EYA1: variants seen among roughly 807,000 people sequenced by gnomAD.
The protein encoded by EYA1 is EYA transcriptional coactivator and phosphatase 1.
Under a neutral mutation model 82.0 loss-of-function variants are expected in EYA1, and 16 were observed. The observed-to-expected ratio is 0.20, with a 90% CI of 0.13 to 0.30. The LOEUF (loss-of-function observed/expected upper bound fraction) is 0.30. Among genes scored for constraint, EYA1 ranks in the 10% least tolerant of loss-of-function variants. The pLI, the probability that EYA1 is intolerant of heterozygous loss-of-function variation, is 1.00. For missense variants in EYA1, 633 were observed against 730.7 expected (o/e 0.87, Z 1.54); for synonymous variants, 261 against 264.4 (o/e 0.99, Z 0.12).
At chr8:71,364,404 C>A (rs144893483), upstream of EYA1, among the ~76,000 whole-genome samples, 485 of 151,952 alleles carry the variant, frequency 3.2e-3, 5 homozygotes, top group Admixed American at 0.023. Context: ...GATAAAGAGC[C>A]ACATTTAAGC....
At chr8:71,277,306 AG>A (rs1817318994) in intron 9 of EYA1, among the ~76,000 whole-genome samples, 1 of 151,622 alleles carries the variant, frequency 6.6e-6, no homozygotes, top group Non-Finnish European at 1.5e-5. Context: ...ACGTGACACC[AG>A]GCTAATTTTT....
chr8:71,207,933 A>G (rs941114266), intron 17 of EYA1, among the ~76,000 whole-genome samples: 1 of 152,222 alleles, frequency 6.6e-6, no homozygotes, highest in Non-Finnish European at 1.5e-5. Context: ...AATGAATTGT[A>G]CCAGCATTTG....
intron 2 of EYA1, among the ~76,000 whole-genome samples, chr8:71,493,746 G>A (rs765881284): frequency 1.3e-5 from 2 of 151,434 alleles, no homozygotes; most frequent in South Asian, 2.1e-4. Flanking sequence ...CTTTTTGGCC[G>A]GGCGCGGTGG....
At chr8:71,234,203 CAT>C (rs1221392652) in intron 12 of EYA1, among the ~76,000 whole-genome samples, 1 of 152,198 alleles carries the variant, frequency 6.6e-6, no homozygotes, top group African/African-American at 2.4e-5. Context: ...TGCCATACCA[CAT>C]GTATTTTCCT....
At chr8:71,464,344 C>A (rs1043958418) in intron 2 of EYA1, among the ~76,000 whole-genome samples, 2 of 152,194 alleles carry the variant, frequency 1.3e-5, no homozygotes, top group Non-Finnish European at 2.9e-5. Flanking sequence ...CCTTTAATGA[C>A]AAATGTGCAT....
intron 2 of EYA1, among the ~76,000 whole-genome samples, chr8:71,445,451 T>C (rs185666060): frequency 5.9e-5 from 9 of 152,354 alleles, no homozygotes; most frequent in African/African-American, 2.2e-4. Flanking sequence ...TTACCTTTAG[T>C]GTATCCTGAA....
intron 12 of EYA1, among the ~76,000 whole-genome samples, chr8:71,242,450 C>T (rs980522638): frequency 2.6e-5 from 4 of 152,130 alleles, no homozygotes; most frequent in African/African-American, 9.7e-5. Context: ...TACTTTACCT[C>T]TACTAAGGAA....
At chr8:71,292,502 G>A (rs1819113018) in intron 9 of EYA1, among the ~76,000 whole-genome samples, 1 of 151,934 alleles carries the variant, frequency 6.6e-6, no homozygotes, top group African/African-American at 2.4e-5. Flanking sequence ...TATAGAGAGT[G>A]AAATTTGAAT....
rs112037210 is a variant in EYA1, at chr8:71,267,808, A to C, written c.1050+1932T>G. On this transcript the variant is annotated intron_variant, in intron 11 of 17. Coordinates refer to ENST00000340726, the MANE Select transcript of EYA1 (RefSeq NM_000503.6). ...CGTGATCCACCCGCCTTGGCCTCCC[A>C]AAGTGCTGGGATTACAGGCATGAGC... Among the ~76,000 whole-genome samples, 513 of 152,308 alleles carry C rather than the reference A, an allele frequency of 3.4e-3. 6 individuals are homozygous for C. The highest frequency in any genetic ancestry group is 0.012 in the African/African-American group (491 of 41,566).
chr8:71,279,822 T>G lies in EYA1; in HGVS notation c.827-7925A>C, dbSNP rs149605791. On this transcript the variant is annotated intron_variant, in intron 9 of 17. Coordinates refer to ENST00000340726, the MANE Select transcript of EYA1 (RefSeq NM_000503.6). ...CACGGAGACTAACTTACCAACACTA[T>G]AAACATTTAATTCTCCTTTTTTGTG... 9.2e-5 allele frequency among the ~76,000 whole-genome samples: 14 copies of G among 152,316 alleles called. No homozygotes were observed. The East Asian group carries it at 2.7e-3, about 29-fold the overall frequency.
At chr8:71,428,499 T>C (rs1315825690) in intron 2 of EYA1, among the ~76,000 whole-genome samples, 1 of 152,182 alleles carries the variant, frequency 6.6e-6, no homozygotes, top group East Asian at 1.9e-4. Context: ...AACTTTCAAA[T>C]GCCTCCCTTT....
intron 7 of EYA1, among the ~76,000 whole-genome samples, chr8:71,308,477 C>T (rs1820967935): frequency 6.6e-6 from 1 of 152,058 alleles, no homozygotes; most frequent in East Asian, 1.9e-4. Flanking sequence ...AAACAAGAAA[C>T]AGTCTTGCTT....
At chr8:71,540,521 G>A (rs560623146) in intron 1 of EYA1, among the ~76,000 whole-genome samples, 103 of 152,346 alleles carry the variant, frequency 6.8e-4, no homozygotes, top group African/African-American at 2.3e-3. Context: ...GTCAAGCCAG[G>A]CAGGCCATGG....
At chr8:71,396,381 T>G (rs556695203) in intron 2 of EYA1, among the ~76,000 whole-genome samples, 25 of 152,174 alleles carry the variant, frequency 1.6e-4, no homozygotes, top group African/African-American at 5.8e-4. Context: ...TAATTGTGAT[T>G]TTAGGTTGTC....
At chr8:71,344,865 GCAAT>G (rs1825540288) in intron 3 of EYA1, among the ~76,000 whole-genome samples, 1 of 152,144 alleles carries the variant, frequency 6.6e-6, no homozygotes, top group Non-Finnish European at 1.5e-5. Context: ...TGCCTAAAAG[GCAAT>G]CAATCTACTA....
intron 7 of EYA1, among the ~76,000 whole-genome samples, chr8:71,311,460 T>C (rs910025089): frequency 6.6e-6 from 1 of 152,308 alleles, no homozygotes; most frequent in Middle Eastern, 3.4e-3. Flanking sequence ...AAACATATTG[T>C]TTGCAGAACT....
intron 2 of EYA1, among the ~76,000 whole-genome samples, chr8:71,371,631 C>T (rs1396392577): frequency 1.3e-5 from 2 of 151,934 alleles, no homozygotes; most frequent in African/African-American, 2.4e-5. Flanking sequence ...GAAAGCTTCT[C>T]GAGAAATGTA....
chr8:71,435,592 A>G (rs140220908), intron 2 of EYA1, among the ~76,000 whole-genome samples: 1 of 152,226 alleles, frequency 6.6e-6, no homozygotes, highest in East Asian at 1.9e-4. Flanking sequence ...GGCTGTTTAT[A>G]GACTTTTTTC....
At chr8:71,285,766 G>A (rs1586180976) in intron 9 of EYA1, among the ~76,000 whole-genome samples, 1 of 152,172 alleles carries the variant, frequency 6.6e-6, no homozygotes, top group African/African-American at 2.4e-5. Context: ...AGTGCTTCCT[G>A]AGCATGTCTG....
Sources: gnomAD v4.1 joint callset for allele counts (sites outside exome capture counted in the v4.1 genomes callset) on GRCh38, gnomAD v4.1.1 for gene constraint, MANE v1.5 for transcripts, NCBI Gene and HGNC (gene_info 2026-07-23, HGNC 2026-07-21) for gene names.